Variants in TRAPPC9 observed in about 807,000 individuals in gnomAD.
TRAPPC9 encodes the protein trafficking protein particle complex subunit 9, also known as IKK2 binding protein.
TRAPPC9 carries 83 observed loss-of-function variants against 124.0 expected under a neutral mutation model. The observed-to-expected ratio is 0.67, with a 90% CI of 0.56 to 0.80. The LOEUF is 0.80. Ranked by LOEUF, TRAPPC9 falls within the 30% of genes least tolerant of loss-of-function variation. The pLI is 0.00. For missense variants in TRAPPC9, 1,302 were observed against 1,508.3 expected, an observed-to-expected ratio of 0.86 and a Z score of 2.27; for synonymous variants, 638 against 617.5, an observed-to-expected ratio of 1.03 and a Z score of -0.49.
At chr8:139,873,437 C>T (rs1829128395) in intron 21 of TRAPPC9, among the ~76,000 whole-genome samples, 1 of 152,130 alleles carries the variant, frequency 6.6e-6, no homozygotes, top group South Asian at 2.1e-4. Flanking sequence ...CAGCACCTTC[C>T]CCCACCCCTC....
At chr8:140,349,636 G>A (rs993569865) in intron 9 of TRAPPC9, among the ~76,000 whole-genome samples, 3 of 152,136 alleles carry the variant, frequency 2.0e-5, no homozygotes, top group East Asian at 3.9e-4. Context: ...AGGAGGGAGC[G>A]GGGAACACGG....
chr8:140,272,200 G>GAT (rs2064942215), intron 15 of TRAPPC9, among the ~76,000 whole-genome samples: 1 of 149,846 alleles, frequency 6.7e-6, no homozygotes, highest in African/African-American at 2.5e-5. Context: ...TGGTGATGGT[G>GAT]GCAGTGGTGA....
intron 3 of TRAPPC9, among the ~76,000 whole-genome samples, chr8:140,436,484 A>C (rs906735882): frequency 2.0e-5 from 3 of 152,230 alleles, no homozygotes; most frequent in African/African-American, 7.2e-5. Context: ...TTAATATCAG[A>C]GTTAATACAA....
intron 17 of TRAPPC9, among the ~76,000 whole-genome samples, chr8:140,188,321 T>C (rs995798450): frequency 6.6e-6 from 1 of 152,142 alleles, no homozygotes; most frequent in Non-Finnish European, 1.5e-5. Flanking sequence ...TGAATAAATA[T>C]ATGACAGCAT....
At chr8:139,881,886 C>T (rs1455688123) in intron 21 of TRAPPC9, among the ~76,000 whole-genome samples, 2 of 152,240 alleles carry the variant, frequency 1.3e-5, no homozygotes, top group Admixed American at 1.3e-4. Context: ...CAGGGCCTCA[C>T]CCCTCTCCTT....
intron 8 of TRAPPC9, among the ~76,000 whole-genome samples, chr8:140,365,531 T>C (rs1387620311): frequency 1.3e-5 from 2 of 152,230 alleles, no homozygotes; most frequent in East Asian, 1.9e-4. Context: ...TAGCAAGGCA[T>C]GCCCAGAAGG....
At chr8:140,299,890 C>A (rs1207683667) in intron 11 of TRAPPC9, among the ~76,000 whole-genome samples, 1 of 152,196 alleles carries the variant, frequency 6.6e-6, no homozygotes, top group Non-Finnish European at 1.5e-5. Context: ...CACAAAAGAA[C>A]ATAACACGAT....
intron 2 of TRAPPC9, among the ~76,000 whole-genome samples, chr8:140,450,370 T>C (rs142964188): frequency 2.3e-3 from 347 of 152,088 alleles, no homozygotes; most frequent in Middle Eastern, 6.8e-3. Context: ...CAAAAAAAAA[T>C]TAGCAAGAAA....
chr8:140,406,149 C>T (rs2069481975), intron 5 of TRAPPC9, among the ~76,000 whole-genome samples: 1 of 152,132 alleles, frequency 6.6e-6, no homozygotes, highest in Admixed American at 6.6e-5. Context: ...AGTATGCTTT[C>T]TATGCCTTTT....
intron 17 of TRAPPC9, among the ~76,000 whole-genome samples, chr8:140,190,351 G>A (rs887749389): frequency 2.0e-5 from 3 of 152,116 alleles, no homozygotes; most frequent in Non-Finnish European, 4.4e-5. Flanking sequence ...CCAGCTACTC[G>A]GGAGGCTGAG....
chr8:140,347,805 G>C (rs1053497155), intron 9 of TRAPPC9, among the ~76,000 whole-genome samples: 3 of 152,194 alleles, frequency 2.0e-5, no homozygotes, highest in African/African-American at 7.2e-5. Context: ...GTACATGTAT[G>C]TCTCTAGAAC....
At position 139,938,536 on chromosome 8, in the gene TRAPPC9, C is replaced by T. The variant is rs1470347719; in HGVS notation, c.2811-28236G>A. On this transcript the variant is annotated intron_variant, in intron 19 of 22. Coordinates refer to ENST00000438773, the MANE Select transcript of TRAPPC9 (RefSeq NM_001160372.4). ...TCCTGACCTCGTGATCCTCCCGCCT[C>T]GGCCTCCCAAAGTGCTGGGATTACA... 6.6e-5 allele frequency among the ~76,000 whole-genome samples: 10 copies of T among 152,176 alleles called. 1 individual carries two copies. Among genetic ancestry groups the T allele is most frequent in the Middle Eastern group, 6.8e-3 (2 of 294 alleles).
chr8:140,324,351 C>T (rs1027791736), intron 9 of TRAPPC9, among the ~76,000 whole-genome samples: 5 of 152,090 alleles, frequency 3.3e-5, no homozygotes. Context: ...CAAGGAGATA[C>T]AATACTAAAT....
At chr8:139,740,313 G>C (rs190212650) in intron 21 of TRAPPC9, among the ~76,000 whole-genome samples, 49 of 152,338 alleles carry the variant, frequency 3.2e-4, no homozygotes, top group Admixed American at 5.9e-4. Flanking sequence ...GCTATAGCAC[G>C]TCCAGGCTCT....
intron 5 of TRAPPC9, among the ~76,000 whole-genome samples, chr8:140,414,895 A>G (rs750704835): frequency 8.5e-5 from 13 of 152,050 alleles, no homozygotes; most frequent in Admixed American, 2.6e-4. Context: ...ACGTGCCAAC[A>G]TGCCCAACTA....
intron 19 of TRAPPC9, among the ~76,000 whole-genome samples, chr8:139,976,244 A>G (rs1836455131): frequency 1.3e-5 from 2 of 152,120 alleles, no homozygotes; most frequent in South Asian, 4.1e-4. Context: ...TATGCAACAT[A>G]AGAAAAGCTT....
intron 19 of TRAPPC9, among the ~76,000 whole-genome samples, chr8:139,930,368 C>G (rs999943450): frequency 6.6e-6 from 1 of 152,208 alleles, no homozygotes; most frequent in Non-Finnish European, 1.5e-5. Context: ...GCTCACACAA[C>G]ACGGTTCTCG....
In TRAPPC9 at chr8:139,880,510, G is replaced by A. The variant is rs543002437; in HGVS notation, c.3055+5369C>T. On this transcript the variant is annotated intron_variant, in intron 21 of 22. Coordinates refer to ENST00000438773, the MANE Select transcript of TRAPPC9 (RefSeq NM_001160372.4). ...AGGTTTAAGGACTTGACCCAACCCA[G>A]ACCCTCCCTGCACTCCCCACCCTCC... Among the ~76,000 whole-genome samples the A allele has an allele frequency of 2.6e-5, 4 of 152,212 alleles. No individual in the cohort carries two copies. In the South Asian group the frequency reaches 8.3e-4, roughly 32 times the overall value.
chr8:139,734,467 G>C (rs1466935405), intron 21 of TRAPPC9, among the ~76,000 whole-genome samples: 1 of 152,204 alleles, frequency 6.6e-6, no homozygotes, highest in Non-Finnish European at 1.5e-5. Flanking sequence ...TCTGAATTCT[G>C]AGTTTATGTT....
Sources: allele counts gnomAD v4.1 joint callset (sites outside exome capture counted in the v4.1 genomes callset), GRCh38; gene constraint gnomAD v4.1.1; transcripts MANE v1.5; gene names NCBI Gene and HGNC (gene_info 2026-07-23, HGNC 2026-07-21).